KLHL7: variants seen among roughly 807,000 people sequenced by gnomAD.
KLHL7 encodes kelch like family member 7.
Under a neutral mutation model 67.4 loss-of-function variants are expected in KLHL7, and 44 were observed. That is an observed-to-expected ratio of 0.65 (90% CI 0.51 to 0.84). The LOEUF is 0.84. Among genes scored for constraint, KLHL7 ranks in the 40% least tolerant of loss-of-function variants. The pLI is 0.00. For missense variants in KLHL7, 362 were observed against 718.1 expected (o/e 0.50, Z 5.67); for synonymous variants, 252 against 243.3 (o/e 1.04, Z -0.33).
chr7:23,128,253 A>G (rs928587004), intron 4 of KLHL7, among the ~76,000 whole-genome samples: 2 of 152,092 alleles, frequency 1.3e-5, no homozygotes, highest in African/African-American at 4.8e-5. Context: ...ACCGAAGAAG[A>G]TCAAACAGGA....
intron 1 of KLHL7, chr7:23,106,752 G>A (rs1782658685): frequency 2.0e-6 from 2 of 986,736 alleles, no homozygotes; most frequent in South Asian, 4.7e-5. Flanking sequence ...TCTGTCCTTG[G>A]TGTGTGGTGC....
intron 6 of KLHL7, among the ~76,000 whole-genome samples, chr7:23,147,938 C>T (rs1335087228): frequency 6.6e-6 from 1 of 152,164 alleles, no homozygotes; most frequent in East Asian, 1.9e-4. Context: ...TTAGCCCATC[C>T]TTTCACTAAA....
At chr7:23,110,421 G>T (rs1173848877) in intron 1 of KLHL7, among the ~76,000 whole-genome samples, 2 of 152,004 alleles carry the variant, frequency 1.3e-5, no homozygotes. Flanking sequence ...TTCCATCTTT[G>T]TTGAGCATCT....
intron 2 of KLHL7, among the ~76,000 whole-genome samples, chr7:23,124,104 A>C (rs1451331400): frequency 6.7e-6 from 1 of 149,376 alleles, no homozygotes; most frequent in African/African-American, 2.5e-5. Context: ...GCTTCTACTT[A>C]AAAGCCCAGG....
intron 6 of KLHL7, among the ~76,000 whole-genome samples, chr7:23,148,948 G>A (rs115989655): frequency 0.026 from 4,024 of 152,280 alleles, 183 homozygotes; most frequent in African/African-American, 0.092. Context: ...TTTGGGGCCT[G>A]GGCAGAGCTA....
At chr7:23,113,981 G>T (rs1283072283) in intron 1 of KLHL7, among the ~76,000 whole-genome samples, 1 of 151,600 alleles carries the variant, frequency 6.6e-6, no homozygotes, top group Non-Finnish European at 1.5e-5. Flanking sequence ...AGCTTGAAAA[G>T]CACGAATGTA....
At chr7:23,159,960 C>G (rs1456154810) in intron 7 of KLHL7, among the ~76,000 whole-genome samples, 1 of 152,096 alleles carries the variant, frequency 6.6e-6, no homozygotes, top group Non-Finnish European at 1.5e-5. Context: ...TCAGATTCTC[C>G]CTGTCACCCT....
At chr7:23,125,974 A>G (rs1783556822) in intron 4 of KLHL7, 2 of 828,572 alleles carry the variant, frequency 2.4e-6, no homozygotes, top group Admixed American at 2.0e-5. Flanking sequence ...ATACATGCCT[A>G]TGATGAAGTT....
At chr7:23,145,277 G>C (rs1372309952) in intron 6 of KLHL7, among the ~76,000 whole-genome samples, 1 of 150,928 alleles carries the variant, frequency 6.6e-6, no homozygotes, top group African/African-American at 2.4e-5. Flanking sequence ...TTTTCTGAGA[G>C]AGAGCTTGAT....
At chr7:23,106,433 C>G in intron 1 of KLHL7, 2 of 1,270,388 alleles carry the variant, frequency 1.6e-6, no homozygotes, top group Non-Finnish European at 2.0e-6. Context: ...TGTAACAGCT[C>G]TGCCCTAGTT....
chr7:23,163,354 T>C (rs1784907325), intron 7 of KLHL7, among the ~76,000 whole-genome samples: 1 of 152,144 alleles, frequency 6.6e-6, no homozygotes, highest in Non-Finnish European at 1.5e-5. Flanking sequence ...GTATTTTTAG[T>C]GGAGACGGGG....
intron 10 of KLHL7, among the ~76,000 whole-genome samples, chr7:23,173,261 G>A (rs1053852401): frequency 3.9e-5 from 6 of 152,146 alleles, no homozygotes; most frequent in Non-Finnish European, 5.9e-5. Flanking sequence ...CAGTCATTGT[G>A]ACAATTTTAG....
chr7:23,133,563 C>T (rs1051665754), intron 4 of KLHL7, among the ~76,000 whole-genome samples: 22 of 152,112 alleles, frequency 1.4e-4, no homozygotes, highest in African/African-American at 5.1e-4. Context: ...TCCCGAGTAG[C>T]TGGGACTACA....
chr7:23,128,135 GA>G (rs5882884), intron 4 of KLHL7, among the ~76,000 whole-genome samples: 59 of 134,242 alleles, frequency 4.4e-4, no homozygotes, highest in Non-Finnish European at 4.7e-4. Context: ...TCTGTCTCAA[GA>G]AAAAAAAAAA....
At chr7:23,114,026 T>C (rs950027775) in intron 1 of KLHL7, among the ~76,000 whole-genome samples, 2 of 152,246 alleles carry the variant, frequency 1.3e-5, no homozygotes, top group African/African-American at 4.8e-5. Flanking sequence ...CTTGAGCTCA[T>C]ATCTACCTCA....
chr7:23,106,585 A>G, intron 1 of KLHL7: 1 of 1,040,610 alleles, frequency 9.6e-7, no homozygotes, highest in Non-Finnish European at 1.2e-6. Flanking sequence ...AGCTGCTCTT[A>G]AATAAGGATC....
At chr7:23,164,996 A>G (rs140232285) in intron 7 of KLHL7, among the ~76,000 whole-genome samples, 1 of 152,380 alleles carries the variant, frequency 6.6e-6, no homozygotes, top group East Asian at 1.9e-4. Flanking sequence ...AGGGCGGCAC[A>G]AGCATTCTTC....
chr7:23,122,465 G>A (rs987406333), intron 1 of KLHL7, among the ~76,000 whole-genome samples: 2 of 151,914 alleles, frequency 1.3e-5, no homozygotes, highest in African/African-American at 4.8e-5. Flanking sequence ...TTTTGGTATA[G>A]TATGTAGCAA....
intron 1 of KLHL7, among the ~76,000 whole-genome samples, chr7:23,120,071 A>C (rs1036182047): frequency 6.6e-6 from 1 of 152,016 alleles, no homozygotes; most frequent in African/African-American, 2.4e-5. Flanking sequence ...GTGCCGTGGC[A>C]CAATCTCGGC....
Sources: allele counts gnomAD v4.1 joint callset (sites outside exome capture counted in the v4.1 genomes callset), GRCh38; gene constraint gnomAD v4.1.1; transcripts MANE v1.5; gene names NCBI Gene and HGNC (gene_info 2026-07-23, HGNC 2026-07-21).